The following SLC2A9 variants were observed in gnomAD, a reference collection of about 807,000 sequenced individuals.
SLC2A9 encodes the protein solute carrier family 2, facilitated glucose transporter member 9.
SLC2A9 carries 39 observed loss-of-function variants against 50.6 expected under a neutral mutation model. The observed-to-expected ratio is 0.77, with a 90% CI of 0.60 to 1.01. The LOEUF is 1.01. Among genes scored for constraint, SLC2A9 ranks in the 50% least tolerant of loss-of-function variants. SLC2A9 has a pLI of 0.00. For synonymous variants in SLC2A9, 324 were observed against 276.9 expected (o/e 1.17, Z -1.69); for missense variants, 686 against 677.6 (o/e 1.01, Z -0.14).
At chr4:9,866,236 TA>T (rs1221959508) in intron 10 of SLC2A9, among the ~76,000 whole-genome samples, 1 of 151,406 alleles carries the variant, frequency 6.6e-6, no homozygotes, top group African/African-American at 2.4e-5. Context: ...TTATTATTAT[TA>T]ATATTATTAT....
At chr4:9,881,103 G>A (rs1735129438) in intron 10 of SLC2A9, among the ~76,000 whole-genome samples, 1 of 152,230 alleles carries the variant, frequency 6.6e-6, no homozygotes. Context: ...GTCATCAGAT[G>A]AGGCCTGAAT....
intron 6 of SLC2A9, among the ~76,000 whole-genome samples, chr4:9,921,760 T>A (rs1351118557): frequency 6.6e-6 from 1 of 152,252 alleles, no homozygotes. Flanking sequence ...GAGCAATGTT[T>A]CTGTTTCATG....
exon 4 of SLC2A9, chr4:9,799,162 G>A (rs987193175): frequency 2.0e-5 from 3 of 152,182 alleles, no homozygotes; most frequent in African/African-American, 7.2e-5. Flanking sequence ...ACCAGCAGGA[G>A]ACCAGCCAAG....
intron 1 of SLC2A9, among the ~76,000 whole-genome samples, chr4:10,039,474 G>A (rs1430281593): frequency 1.3e-5 from 2 of 152,072 alleles, no homozygotes; most frequent in South Asian, 2.1e-4. Context: ...CCACCTCCTC[G>A]TCCTCCGCTA....
At position 9,996,915 on chromosome 4, in the gene SLC2A9, T is replaced by C; in HGVS notation, c.276A>G (p.Ser92=). 6.2e-7 allele frequency: 1 copy of C among 1,614,132 alleles called. No individual in the cohort carries two copies. Among genetic ancestry groups the C allele is most frequent in the Non-Finnish European group, 8.5e-7 (1 of 1,179,972 alleles). ...TTGGACGTCCATGCCTTCTTTCCCA[T>C]GACTCATTGTAAAAGGCCTTGATGT... ...TPYIKAFYNE[S]WERRHGRPID... is the part of the protein sequence containing the mutation. Residue 92 remains serine, a synonymous_variant, in exon 3 of 12, where the codon TCA becomes TCG. Transcript: ENST00000264784.
intron 10 of SLC2A9, chr4:9,878,880 T>C: frequency 4.3e-6 from 1 of 231,284 alleles, no homozygotes; most frequent in Non-Finnish European, 7.1e-6. Flanking sequence ...ACCCAGTTGT[T>C]GGTGGAGACA....
At chr4:9,828,214 T>C (rs1290214892) in intron 11 of SLC2A9, among the ~76,000 whole-genome samples, 1 of 152,218 alleles carries the variant, frequency 6.6e-6, no homozygotes, top group Admixed American at 6.5e-5. Flanking sequence ...CAGGAAATCA[T>C]GTTGCTCCAC....
At chr4:9,798,622 G>A (rs1306112397), downstream of SLC2A9, 4 of 152,272 alleles carry the variant, frequency 2.6e-5, no homozygotes, top group East Asian at 5.8e-4. Flanking sequence ...AGGCAAAGGA[G>A]TTTTGTTATT....
At chr4:10,009,236 C>A (rs567842087) in intron 2 of SLC2A9, among the ~76,000 whole-genome samples, 3 of 152,304 alleles carry the variant, frequency 2.0e-5, no homozygotes, top group Non-Finnish European at 2.9e-5. Flanking sequence ...ACCAGAGGCA[C>A]CTGCCAGGCG....
chr4:10,030,388 G>T (rs2109589916), intron 1 of SLC2A9, among the ~76,000 whole-genome samples: 1 of 152,146 alleles, frequency 6.6e-6, no homozygotes, highest in African/African-American at 2.4e-5. Context: ...TACTATAATG[G>T]TAAATACAAG....
chr4:9,793,529 C>T (rs1720225473), intron 3 of SLC2A9, among the ~76,000 whole-genome samples: 1 of 152,174 alleles, frequency 6.6e-6, no homozygotes, highest in Non-Finnish European at 1.5e-5. Context: ...TAAGATAGAA[C>T]ATTGTTGAAT....
chr4:9,781,403 C>G (rs1351606268), intron 3 of SLC2A9, among the ~76,000 whole-genome samples: 1 of 152,238 alleles, frequency 6.6e-6, no homozygotes, highest in Non-Finnish European at 1.5e-5. Flanking sequence ...GGCTAAGGCT[C>G]CAGGGATGCG....
At chr4:9,776,541 G>A (rs1204921150), downstream of SLC2A9, among the ~76,000 whole-genome samples, 1 of 152,098 alleles carries the variant, frequency 6.6e-6, no homozygotes, top group Non-Finnish European at 1.5e-5. Flanking sequence ...GCTTTGAAAT[G>A]CTGCCTGGTG....
At chr4:9,860,461 A>T (rs546661849) in intron 10 of SLC2A9, among the ~76,000 whole-genome samples, 1 of 152,368 alleles carries the variant, frequency 6.6e-6, no homozygotes, top group South Asian at 2.1e-4. Flanking sequence ...GAACAGGAGT[A>T]TTTAGAAATG....
intron 5 of SLC2A9, among the ~76,000 whole-genome samples, chr4:9,946,001 C>T (rs915621993): frequency 6.6e-6 from 1 of 152,116 alleles, no homozygotes; most frequent in Non-Finnish European, 1.5e-5. Flanking sequence ...TTTAAAAAAC[C>T]GCATATTACT....
chr4:9,959,546 G>C (rs1033750725), intron 5 of SLC2A9, among the ~76,000 whole-genome samples: 4 of 152,140 alleles, frequency 2.6e-5, no homozygotes, highest in African/African-American at 9.7e-5. Context: ...ACAGGTAAAA[G>C]AGTTGTAAGA....
chr4:10,016,645 T>G (rs1332065523), intron 2 of SLC2A9, among the ~76,000 whole-genome samples: 1 of 152,132 alleles, frequency 6.6e-6, no homozygotes, highest in Non-Finnish European at 1.5e-5. Flanking sequence ...TAAATACCTC[T>G]AAGCTCTGGC....
downstream of SLC2A9, among the ~76,000 whole-genome samples, chr4:9,794,933 T>C (rs371861229): frequency 1.3e-5 from 2 of 151,266 alleles, no homozygotes; most frequent in East Asian, 3.9e-4. Context: ...TCACCAAAGA[T>C]GATAGCCAAC....
At chr4:9,947,032 G>T (rs1301375568) in intron 5 of SLC2A9, among the ~76,000 whole-genome samples, 1 of 152,176 alleles carries the variant, frequency 6.6e-6, no homozygotes, top group Non-Finnish European at 1.5e-5. Flanking sequence ...GAAAGAGCTG[G>T]GGTGGGAGGT....
Sources: allele counts gnomAD v4.1 joint callset (sites outside exome capture counted in the v4.1 genomes callset), GRCh38; gene constraint gnomAD v4.1.1; transcripts MANE v1.5; gene names NCBI Gene and HGNC (gene_info 2026-07-23, HGNC 2026-07-21).